The following CNTNAP2 variants were observed in gnomAD, a reference collection of about 807,000 sequenced individuals.
The protein encoded by CNTNAP2 is contactin-associated protein-like 2.
Under a neutral mutation model 155.2 loss-of-function variants are expected in CNTNAP2, and 98 were observed. The observed-to-expected ratio is 0.63, with a 90% CI of 0.54 to 0.75. The LOEUF (loss-of-function observed/expected upper bound fraction) is 0.75, where lower values mean the gene tolerates loss of function less well. CNTNAP2 is among the 30% of genes least tolerant of loss of function. CNTNAP2 has a pLI of 0.00. For missense variants in CNTNAP2, 1,727 were observed against 1,688.1 expected, an observed-to-expected ratio of 1.02 and a Z score of -0.40; for synonymous variants, 651 against 631.2, an observed-to-expected ratio of 1.03 and a Z score of -0.47.
chr7:146,883,378 T>C (rs1795591993), intron 3 of CNTNAP2, among the ~76,000 whole-genome samples: 2 of 152,164 alleles, frequency 1.3e-5, no homozygotes, highest in Non-Finnish European at 2.9e-5. Flanking sequence ...TAGTTGCTAG[T>C]AGTAATTCTC....
intron 14 of CNTNAP2, among the ~76,000 whole-genome samples, chr7:147,912,037 T>G (rs1184081913): frequency 6.6e-6 from 1 of 152,216 alleles, no homozygotes; most frequent in East Asian, 1.9e-4. Flanking sequence ...ACATTCAAAT[T>G]ATTTTCTGAA....
At chr7:147,730,442 T>C (rs1796719142) in intron 13 of CNTNAP2, among the ~76,000 whole-genome samples, 1 of 152,114 alleles carries the variant, frequency 6.6e-6, no homozygotes, top group South Asian at 2.1e-4. Flanking sequence ...ATTATTATTA[T>C]ATCTGTTATG....
chr7:146,149,111 C>T (rs1187837967), intron 1 of CNTNAP2, among the ~76,000 whole-genome samples: 2 of 151,926 alleles, frequency 1.3e-5, no homozygotes, highest in Admixed American at 6.6e-5. Flanking sequence ...AGCACACCAA[C>T]ATGGCACATG....
In CNTNAP2 at chr7:147,908,763, C is replaced by G. The variant is rs2708260; in HGVS notation, c.2255+5042C>G. On this transcript the variant is annotated intron_variant, in intron 14 of 23. Coordinates refer to ENST00000361727, the MANE Select transcript of CNTNAP2 (RefSeq NM_014141.6). ...GGTAAAAATAAAGGTTCTATTAAAT[C>G]TCATGCTTTTAGATGCTTTGTCCAG... Among the ~76,000 whole-genome samples, 688 of 152,304 alleles carry G rather than the reference C, an allele frequency of 4.5e-3. 3 individuals are homozygous for G. Among genetic ancestry groups the G allele is most frequent in the African/African-American group, 0.016 (657 of 41,552 alleles).
At chr7:146,387,379 C>T (rs999025151) in intron 1 of CNTNAP2, among the ~76,000 whole-genome samples, 3 of 152,146 alleles carry the variant, frequency 2.0e-5, no homozygotes, top group Admixed American at 6.5e-5. Flanking sequence ...AAGCTTAGAA[C>T]AGCCTACTCC....
intron 8 of CNTNAP2, among the ~76,000 whole-genome samples, chr7:147,142,587 A>C (rs1393196556): frequency 6.6e-6 from 1 of 152,142 alleles, no homozygotes; most frequent in African/African-American, 2.4e-5. Context: ...TGCTGGCCTC[A>C]TAAAATGAGT....
intron 10 of CNTNAP2, among the ~76,000 whole-genome samples, chr7:147,459,796 G>A (rs562650343): frequency 1.3e-5 from 2 of 152,276 alleles, no homozygotes; most frequent in South Asian, 4.1e-4. Flanking sequence ...TAAGTTTGTG[G>A]AAATTTGTTA....
intron 3 of CNTNAP2, among the ~76,000 whole-genome samples, chr7:146,922,365 A>C (rs1423579286): frequency 6.6e-6 from 1 of 152,022 alleles, no homozygotes; most frequent in Non-Finnish European, 1.5e-5. Flanking sequence ...TTGCATAGTA[A>C]TTCTAAGCCT....
At chr7:147,051,184 GTATATA>G (rs10567949) in intron 4 of CNTNAP2, among the ~76,000 whole-genome samples, 5 of 98,480 alleles carry the variant, frequency 5.1e-5, no homozygotes, top group South Asian at 3.7e-4. Flanking sequence ...ACATATATAT[GTATATA>G]TATATATATA....
At chr7:147,954,794 G>A (rs910775740) in intron 14 of CNTNAP2, among the ~76,000 whole-genome samples, 5 of 152,076 alleles carry the variant, frequency 3.3e-5, no homozygotes, top group Non-Finnish European at 5.9e-5. Flanking sequence ...CCCCTATATC[G>A]AGAGTCTAGT....
chr7:146,882,623 C>T (rs1277702705), intron 3 of CNTNAP2, among the ~76,000 whole-genome samples: 1 of 152,084 alleles, frequency 6.6e-6, no homozygotes, highest in African/African-American at 2.4e-5. Flanking sequence ...AACTGTAAGT[C>T]AATTAAACCT....
chr7:146,617,094 G>C (rs554049065), intron 1 of CNTNAP2, among the ~76,000 whole-genome samples: 10 of 152,016 alleles, frequency 6.6e-5, no homozygotes, highest in African/African-American at 9.7e-5. Context: ...ATCTCCGCTC[G>C]CTGCAAGTTC....
At chr7:148,315,228 A>G (rs1797667028) in intron 21 of CNTNAP2, among the ~76,000 whole-genome samples, 1 of 152,174 alleles carries the variant, frequency 6.6e-6, no homozygotes, top group Non-Finnish European at 1.5e-5. Context: ...ATGTGAAGAG[A>G]CCACCAAACA....
intron 21 of CNTNAP2, among the ~76,000 whole-genome samples, chr7:148,313,154 C>T (rs1042817168): frequency 3.5e-4 from 53 of 151,470 alleles, no homozygotes; most frequent in Middle Eastern, 3.4e-3. Context: ...ACAACAGTTA[C>T]GGAGGCAAGG....
chr7:146,292,495 T>C (rs1030457231), intron 1 of CNTNAP2, among the ~76,000 whole-genome samples: 2 of 152,168 alleles, frequency 1.3e-5, no homozygotes, highest in Non-Finnish European at 2.9e-5. Context: ...TTGGTGAGAA[T>C]GTGGAGAAAA....
At chr7:148,016,127 G>A (rs926481994) in intron 15 of CNTNAP2, among the ~76,000 whole-genome samples, 3 of 152,124 alleles carry the variant, frequency 2.0e-5, no homozygotes, top group Admixed American at 6.5e-5. Flanking sequence ...CTGGCAATTC[G>A]GGCACCAGTT....
At chr7:147,546,781 C>T (rs1799742720) in intron 11 of CNTNAP2, among the ~76,000 whole-genome samples, 1 of 152,176 alleles carries the variant, frequency 6.6e-6, no homozygotes, top group Non-Finnish European at 1.5e-5. Context: ...CTCTGAAACA[C>T]ATCGCAGATC....
intron 19 of CNTNAP2, among the ~76,000 whole-genome samples, chr7:148,219,373 T>G (rs1352370251): frequency 6.6e-6 from 1 of 152,190 alleles, no homozygotes; most frequent in Non-Finnish European, 1.5e-5. Context: ...CCTTCAGTGA[T>G]TATTCCACTG....
chr7:146,216,796 C>CA (rs1799121831), intron 1 of CNTNAP2, among the ~76,000 whole-genome samples: 1 of 152,176 alleles, frequency 6.6e-6, no homozygotes, highest in Non-Finnish European at 1.5e-5. Flanking sequence ...TATTAAAGTG[C>CA]ATTATGTAAA....
Sources: gnomAD v4.1 joint callset for allele counts (sites outside exome capture counted in the v4.1 genomes callset) on GRCh38, gnomAD v4.1.1 for gene constraint, MANE v1.5 for transcripts, NCBI Gene and HGNC (gene_info 2026-07-23, HGNC 2026-07-21) for gene names.